The following TMEM132D variants were observed in gnomAD, a reference collection of about 807,000 sequenced individuals.
The protein encoded by TMEM132D is mature OL transmembrane protein.
A neutral mutation model predicts 62.3 loss-of-function variants in TMEM132D; 21 were observed. The ratio of observed to expected loss-of-function variants is 0.34; its 90% CI spans 0.24 to 0.49. The LOEUF (loss-of-function observed/expected upper bound fraction) is 0.49, where lower values mean the gene tolerates loss of function less well. Ranked by LOEUF, TMEM132D falls within the 20% of genes least tolerant of loss-of-function variation. TMEM132D has a pLI of 0.99. For synonymous variants in TMEM132D, 621 were observed against 575.6 expected (o/e 1.08, Z -1.13); for missense variants, 1,346 against 1,402.8 (o/e 0.96, Z 0.65).
chr12:129,183,621 C>A (rs1878132602), intron 5 of TMEM132D, among the ~76,000 whole-genome samples: 1 of 152,210 alleles, frequency 6.6e-6, no homozygotes, highest in Non-Finnish European at 1.5e-5. Flanking sequence ...GTTGCGGCTA[C>A]CTAAAAGATG....
intron 1 of TMEM132D, among the ~76,000 whole-genome samples, chr12:129,884,465 T>C (rs1192552621): frequency 2.0e-5 from 3 of 152,228 alleles, no homozygotes; most frequent in Admixed American, 2.0e-4. Flanking sequence ...TTTGAACAGA[T>C]ATTTTACCCA....
chr12:129,297,726 G>A (rs1881612184), intron 4 of TMEM132D, among the ~76,000 whole-genome samples: 1 of 152,172 alleles, frequency 6.6e-6, no homozygotes, highest in Admixed American at 6.5e-5. Flanking sequence ...GGATAAGCGA[G>A]GTTATCAGGT....
intron 3 of TMEM132D, among the ~76,000 whole-genome samples, chr12:129,458,713 T>C (rs1269265112): frequency 1.3e-5 from 2 of 152,096 alleles, no homozygotes; most frequent in East Asian, 3.9e-4. Flanking sequence ...ACGGGGCCCC[T>C]AGCAGGTGCT....
intron 2 of TMEM132D, among the ~76,000 whole-genome samples, chr12:129,577,726 T>C (rs1877712576): frequency 6.7e-6 from 1 of 149,844 alleles, no homozygotes; most frequent in Admixed American, 6.6e-5. Flanking sequence ...TCAAAAAATT[T>C]CCACTATGTT....
intron 3 of TMEM132D, among the ~76,000 whole-genome samples, chr12:129,373,488 C>G (rs1356134364): frequency 6.6e-6 from 1 of 151,938 alleles, no homozygotes; most frequent in East Asian, 1.9e-4. Flanking sequence ...AAAAATTAGC[C>G]AGGCTCGGTG....
intron 2 of TMEM132D, among the ~76,000 whole-genome samples, chr12:129,697,848 A>G (rs1734310676): frequency 6.6e-6 from 1 of 152,100 alleles, no homozygotes; most frequent in African/African-American, 2.4e-5. Flanking sequence ...GTGTGTCATA[A>G]AGTCATGAGA....
At chr12:129,764,514 A>T (rs10847937) in intron 1 of TMEM132D, among the ~76,000 whole-genome samples, 28 of 152,054 alleles carry the variant, frequency 1.8e-4, no homozygotes, top group Admixed American at 6.5e-5. Context: ...GTTTCTGAGA[A>T]ATCAATATCA....
intron 3 of TMEM132D, among the ~76,000 whole-genome samples, chr12:129,436,524 C>A (rs999232634): frequency 2.0e-5 from 3 of 152,118 alleles, no homozygotes; most frequent in Non-Finnish European, 4.4e-5. Flanking sequence ...CTTTTAGTTG[C>A]AGCATTATTT....
At chr12:129,855,214 G>A (rs1441864213) in intron 1 of TMEM132D, among the ~76,000 whole-genome samples, 1 of 90,720 alleles carries the variant, frequency 1.1e-5, no homozygotes, top group Non-Finnish European at 2.3e-5. Context: ...GAGTCCGGGG[G>A]AACGGGATGG....
At chr12:129,747,476 ACT>A (rs1220245605) in intron 1 of TMEM132D, among the ~76,000 whole-genome samples, 1 of 147,962 alleles carries the variant, frequency 6.8e-6, no homozygotes, top group African/African-American at 2.5e-5. Context: ...AGACACACAC[ACT>A]CTCAGATACC....
chr12:129,851,848 T>G (rs1302135469), intron 1 of TMEM132D, among the ~76,000 whole-genome samples: 2 of 152,250 alleles, frequency 1.3e-5, no homozygotes, highest in African/African-American at 4.8e-5. Flanking sequence ...CACCAATGTA[T>G]GAGTATGGCT....
At chr12:129,891,085 C>A (rs1001829035) in intron 1 of TMEM132D, among the ~76,000 whole-genome samples, 3 of 152,116 alleles carry the variant, frequency 2.0e-5, no homozygotes, top group Admixed American at 6.5e-5. Flanking sequence ...GCCTCCTCTT[C>A]CCCGGTGACT....
At chr12:129,107,230 C>T (rs1005666197) in intron 5 of TMEM132D, among the ~76,000 whole-genome samples, 1 of 152,210 alleles carries the variant, frequency 6.6e-6, no homozygotes, top group African/African-American at 2.4e-5. Flanking sequence ...CAGTGGTTCT[C>T]AGTCCTATCA....
At chr12:129,582,375 C>G (rs879198135) in intron 2 of TMEM132D, among the ~76,000 whole-genome samples, 1 of 152,172 alleles carries the variant, frequency 6.6e-6, no homozygotes, top group Non-Finnish European at 1.5e-5. Context: ...ACTTACCCCC[C>G]AGAGATGGGG....
At chr12:129,514,081 C>T (rs371413953) in intron 3 of TMEM132D, among the ~76,000 whole-genome samples, 76 of 151,496 alleles carry the variant, frequency 5.0e-4, no homozygotes, top group Middle Eastern at 3.4e-3. Flanking sequence ...CCTTGTGATC[C>T]GCCCGCCTCG....
Position 129,764,128 on chromosome 12 carries a change from G to A in TMEM132D, c.80-63430C>T, listed in dbSNP as rs546491045. Among the ~76,000 whole-genome samples, 16 of 152,234 alleles carry A rather than the reference G, an allele frequency of 1.1e-4. No individual in the cohort carries two copies. In the South Asian group the frequency reaches 1.7e-3, roughly 16 times the overall value. ...TCTCAAAAGCTTGCACCATAATGGCGTCATCAGGTAGCAAGCCCATCACTT... is the reference window on the plus strand; with the variant it reads ...TCTCAAAAGCTTGCACCATAATGGCATCATCAGGTAGCAAGCCCATCACTT... On this transcript the variant is annotated intron_variant, in intron 1 of 8. Transcript: ENST00000422113.
intron 5 of TMEM132D, among the ~76,000 whole-genome samples, chr12:129,143,280 C>T (rs1003593922): frequency 3.3e-5 from 5 of 152,068 alleles, no homozygotes; most frequent in Admixed American, 6.6e-5. Flanking sequence ...TTACATTTAC[C>T]GGGATATTAT....
intron 5 of TMEM132D, among the ~76,000 whole-genome samples, chr12:129,144,728 C>T (rs1209345826): frequency 4.0e-5 from 6 of 150,756 alleles, no homozygotes; most frequent in African/African-American, 7.4e-5. Context: ...TACTGACCTA[C>T]GTATCATTCA....
At chr12:129,709,751 A>G (rs1226712173) in intron 1 of TMEM132D, among the ~76,000 whole-genome samples, 1 of 152,202 alleles carries the variant, frequency 6.6e-6, no homozygotes, top group Admixed American at 6.5e-5. Flanking sequence ...AGCAGATATC[A>G]CATAAATTAT....
Sources: gnomAD v4.1 joint callset for allele counts (sites outside exome capture counted in the v4.1 genomes callset) on GRCh38, gnomAD v4.1.1 for gene constraint, MANE v1.5 for transcripts, NCBI Gene and HGNC (gene_info 2026-07-23, HGNC 2026-07-21) for gene names.